APLP2: variants seen among roughly 807,000 people sequenced by gnomAD.
APLP2 encodes the protein amyloid beta precursor like protein 2.
APLP2 carries 53 observed loss-of-function variants against 89.9 expected under a neutral mutation model. That is an observed-to-expected ratio of 0.59 (90% CI 0.47 to 0.74). The LOEUF is 0.74. APLP2 is among the 30% of genes least tolerant of loss of function. The probability of loss-of-function intolerance (pLI) is 0.00; values close to 1 mark genes in which losing one functional copy is unlikely to be tolerated. For synonymous variants in APLP2, 372 were observed against 348.6 expected, an observed-to-expected ratio of 1.07 and a Z score of -0.75; for missense variants, 973 against 975.9, an observed-to-expected ratio of 1.00 and a Z score of 0.04.
chr11:130,078,994 C>A (rs56942980), intron 1 of APLP2, among the ~76,000 whole-genome samples: 16,798 of 151,972 alleles, frequency 0.11, 1,179 homozygotes, highest in East Asian at 0.25. Context: ...TAGAATTTTG[C>A]TTTTGCTTTG....
At chr11:130,121,062 G>A (rs1448292232) in intron 4 of APLP2, among the ~76,000 whole-genome samples, 1 of 152,214 alleles carries the variant, frequency 6.6e-6, no homozygotes, top group Admixed American at 6.5e-5. Flanking sequence ...GGCTGAGCGA[G>A]AATACTGTAT....
chr11:130,070,736 A>G, intron 1 of APLP2: 1 of 1,457,482 alleles, frequency 6.9e-7, no homozygotes, highest in Non-Finnish European at 9.0e-7. Context: ...AGACCGAGGA[A>G]ACCCGCTCTG....
At chr11:130,136,672 C>T (rs901651582) in intron 13 of APLP2, among the ~76,000 whole-genome samples, 25 of 152,246 alleles carry the variant, frequency 1.6e-4, no homozygotes, top group African/African-American at 6.0e-4. Flanking sequence ...TCTAAACTAG[C>T]GATCCCAGAG....
At chr11:130,082,274 C>T (rs1943291304) in intron 1 of APLP2, among the ~76,000 whole-genome samples, 1 of 152,102 alleles carries the variant, frequency 6.6e-6, no homozygotes, top group Admixed American at 6.5e-5. Flanking sequence ...ACCTCTGCCT[C>T]CCAGGTTCAA....
At chr11:130,083,945 T>C (rs1943669449) in intron 1 of APLP2, among the ~76,000 whole-genome samples, 1 of 152,204 alleles carries the variant, frequency 6.6e-6, no homozygotes, top group African/African-American at 2.4e-5. Flanking sequence ...ACCAGCGGCA[T>C]ACAGGAGTTC....
intron 13 of APLP2, chr11:130,138,664 C>A (rs1160461338): frequency 2.7e-5 from 4 of 145,870 alleles, no homozygotes; most frequent in African/African-American, 1.0e-4. Flanking sequence ...TGGCTCACTG[C>A]AGCCTCCTCC....
intron 1 of APLP2, among the ~76,000 whole-genome samples, chr11:130,106,473 T>C (rs190944716): frequency 1.4e-3 from 208 of 152,344 alleles, no homozygotes; most frequent in African/African-American, 3.4e-3. Flanking sequence ...AGCTTTGTTA[T>C]GAAAATAGTA....
At chr11:130,125,438 G>C (rs1950266933) in intron 7 of APLP2, among the ~76,000 whole-genome samples, 1 of 152,194 alleles carries the variant, frequency 6.6e-6, no homozygotes, top group African/African-American at 2.4e-5. Context: ...GTGTCTTGGG[G>C]AATGGCATTT....
chr11:130,143,531 G>A lies in APLP2; in HGVS notation c.*83G>A, dbSNP rs1481282901. 1 of 1,206,162 alleles carries A rather than the reference G, an allele frequency of 8.3e-7. No homozygotes were observed. The highest frequency in any genetic ancestry group is 1.5e-5 in the African/African-American group (1 of 66,848). The allele number at this position is 1,206,162 out of a possible 1,614,324, so 74.7% of individuals were successfully genotyped here. On this transcript the variant is annotated 3_prime_UTR_variant, in exon 17 of 17. Coordinates refer to ENST00000338167, the MANE Select transcript of APLP2 (RefSeq NM_001142276.2). ...GATTCCGATCGACTGCCAAGCAGCA[G>A]CCGCTGCCAGGGGCTGCGTCTGACA...
rs368954031 is a variant in APLP2, at chr11:130,143,791, G to C, written c.*343G>C. 12 of 205,440 alleles carry C rather than the reference G, an allele frequency of 5.8e-5. No individual in the cohort carries two copies. The highest frequency in any genetic ancestry group is 1.1e-4 in the Non-Finnish European group (11 of 99,806). 12.7% of individuals were successfully genotyped at this position (205,440 alleles called of 1,614,324 possible). A position where few individuals can be genotyped will look rare whatever the true frequency, so the allele number is the denominator to read the frequency against. On this transcript the variant is annotated 3_prime_UTR_variant, in exon 17 of 17. Transcript: ENST00000338167. ...CAATATATAATAAATGGGAAATGTC[G>C]ATTTTCAATAATAGACTTATATGCA...
Position 130,143,734 on chromosome 11 carries a change from C to G in APLP2, c.*286C>G. The G allele has an allele frequency of 3.0e-6, 1 of 331,200 alleles. No homozygotes were observed. Among genetic ancestry groups the G allele is most frequent in the Non-Finnish European group, 5.7e-6 (1 of 175,012 alleles). The allele number at this position is 331,200 out of a possible 1,614,324, so 20.5% of individuals were successfully genotyped here. The stretch of plus-strand genomic sequence containing the variant: ...TTCTTTTTTAAATTAATCAGAAACC[C>G]CACTTCCATTGTATTGTCTGACACA... On this transcript the variant is annotated 3_prime_UTR_variant, in exon 17 of 17. Coordinates refer to ENST00000338167, the MANE Select transcript of APLP2 (RefSeq NM_001142276.2).
intron 13 of APLP2, among the ~76,000 whole-genome samples, chr11:130,140,174 C>T (rs183151967): frequency 2.4e-4 from 37 of 152,314 alleles, no homozygotes; most frequent in African/African-American, 8.7e-4. Flanking sequence ...AGTAAGCACT[C>T]CCTCCTCCTC....
At chr11:130,108,285 G>A (rs1309507907) in intron 1 of APLP2, among the ~76,000 whole-genome samples, 1 of 151,852 alleles carries the variant, frequency 6.6e-6, no homozygotes, top group East Asian at 1.9e-4. Flanking sequence ...GGCAACCTTG[G>A]GAGAAAATTT....
At chr11:130,142,676 C>T (rs185956718) in intron 16 of APLP2, among the ~76,000 whole-genome samples, 166 of 152,164 alleles carry the variant, frequency 1.1e-3, no homozygotes, top group African/African-American at 3.8e-3. Context: ...TGCAGTGGCG[C>T]GATCTCAGCG....
intron 13 of APLP2, among the ~76,000 whole-genome samples, chr11:130,135,976 C>G (rs1951536845): frequency 6.6e-6 from 1 of 152,174 alleles, no homozygotes; most frequent in Non-Finnish European, 1.5e-5. Context: ...CCACTTCTTC[C>G]AACTTGTGCA....
At chr11:130,104,246 C>CT (rs1283868119) in intron 1 of APLP2, among the ~76,000 whole-genome samples, 2 of 102,898 alleles carry the variant, frequency 1.9e-5, no homozygotes, top group Non-Finnish European at 3.5e-5. Context: ...GACAGATTCT[C>CT]TGTCTCTGTT....
chr11:130,122,770 C>T (rs934779924), intron 6 of APLP2, among the ~76,000 whole-genome samples: 1 of 152,148 alleles, frequency 6.6e-6, no homozygotes, highest in African/African-American at 2.4e-5. Flanking sequence ...ACGTAGTCCG[C>T]CCTTCAGCAG....
chr11:130,104,367 C>T lies in APLP2; in HGVS notation c.106-5062C>T, dbSNP rs56654986. Reference sequence around the variant, plus strand: ...CCAAGTAGCTAGGACCATAGGCACGCGCCCCCATGCCTGGCTAATTTTTGT... The same window carrying T: ...CCAAGTAGCTAGGACCATAGGCACGTGCCCCCATGCCTGGCTAATTTTTGT... On this transcript the variant is annotated intron_variant, in intron 1 of 16. Coordinates refer to ENST00000338167, the MANE Select transcript of APLP2 (RefSeq NM_001142276.2). 8.8e-3 allele frequency among the ~76,000 whole-genome samples: 1,333 copies of T among 151,752 alleles called. 22 individuals are homozygous for T. The highest frequency in any genetic ancestry group is 0.03 in the African/African-American group (1,229 of 41,356).
chr11:130,091,216 G>A (rs1294770447), intron 1 of APLP2, among the ~76,000 whole-genome samples: 146 of 138,410 alleles, frequency 1.1e-3, no homozygotes, highest in Middle Eastern at 4.0e-3. Context: ...CCGGGCAGGG[G>A]GGCTGACCCC....
Sources: allele counts gnomAD v4.1 joint callset (sites outside exome capture counted in the v4.1 genomes callset), GRCh38; gene constraint gnomAD v4.1.1; transcripts MANE v1.5; gene names NCBI Gene and HGNC (gene_info 2026-07-23, HGNC 2026-07-21).